The following ZNF90 variants were observed in gnomAD, a reference collection of about 807,000 sequenced individuals.
ZNF90 encodes the protein zinc finger protein HTF9.
A neutral mutation model predicts 12.0 loss-of-function variants in ZNF90; 11 were observed. That is an observed-to-expected ratio of 0.92 (90% CI 0.58 to 1.52). The LOEUF is 1.52. Among genes scored for constraint, ZNF90 ranks in the 40% most tolerant of loss-of-function variants. The pLI, the probability that ZNF90 is intolerant of heterozygous loss-of-function variation, is 0.00. For synonymous variants in ZNF90, 232 were observed against 240.1 expected (o/e 0.97, Z 0.31); for missense variants, 765 against 711.5 (o/e 1.08, Z -0.86).
At chr19:20,096,588 G>A (rs1416930807) in intron 1 of ZNF90, among the ~76,000 whole-genome samples, 1 of 152,152 alleles carries the variant, frequency 6.6e-6, no homozygotes, top group Non-Finnish European at 1.5e-5. Context: ...CCAGGAAAAG[G>A]ACTTTCACAA....
Position 20,094,791 on chromosome 19 carries a change from T to A in ZNF90, c.4-9448T>A, listed in dbSNP as rs911668257. On this transcript the variant is annotated intron_variant, in intron 1 of 3. Transcript: ENST00000418063. ...AGACATTGGAATTCCTGTGTATATT[T>A]AGTGGGGTCTGATGAGAAAGAGCCT... 1.0e-3 allele frequency among the ~76,000 whole-genome samples: 157 copies of A among 151,556 alleles called. 1 individual carries two copies. The highest frequency in any genetic ancestry group is 3.7e-3 in the African/African-American group (155 of 41,382).
At chr19:20,079,599 T>C (rs1228284377) in intron 1 of ZNF90, among the ~76,000 whole-genome samples, 1 of 151,808 alleles carries the variant, frequency 6.6e-6, no homozygotes, top group African/African-American at 2.4e-5. Flanking sequence ...GGGAGGGGAA[T>C]GGCAAATGGA....
intron 1 of ZNF90, among the ~76,000 whole-genome samples, chr19:20,092,147 G>A (rs572191026): frequency 6.6e-6 from 1 of 152,326 alleles, no homozygotes; most frequent in Admixed American, 6.5e-5. Context: ...AGGAACAATG[G>A]TAATTGTGGG....
At chr19:20,092,656 G>A (rs932411009) in intron 1 of ZNF90, among the ~76,000 whole-genome samples, 3 of 152,200 alleles carry the variant, frequency 2.0e-5, no homozygotes, top group African/African-American at 7.2e-5. Context: ...TGCCGAGGAA[G>A]GAAAGGAGTT....
chr19:20,081,307 G>GCCT (rs768258483), intron 1 of ZNF90, among the ~76,000 whole-genome samples: 6 of 152,092 alleles, frequency 3.9e-5, no homozygotes, highest in African/African-American at 1.2e-4. Flanking sequence ...TTCTGCCTCA[G>GCCT]CCTCCCAAGT....
rs1555705985 is a variant in ZNF90, at chr19:20,118,339, G to C, written c.785G>C (p.Cys262Ser). Residue 262 changes from cysteine to serine, a missense_variant, in exon 4 of 4, where the codon TGT (cysteine) becomes TCT (serine). Cys to Ser is a moderately radical substitution (Grantham distance 112). Transcript: ENST00000418063. ...TGEKRYKCED[C>S]GKELKYSSTL... ...GAGAAACGGTACAAATGTGAAGATT[G>C]TGGCAAAGAATTAAAGTATTCCTCT... is the stretch of plus-strand genomic sequence containing the variant. 1 of 1,558,408 alleles carries C rather than the reference G, an allele frequency of 6.4e-7. No individual in the cohort carries two copies. The highest frequency in any genetic ancestry group is 8.7e-7 in the Non-Finnish European group (1 of 1,150,728).
intron 3 of ZNF90, among the ~76,000 whole-genome samples, chr19:20,110,281 T>C (rs2089075507): frequency 6.6e-6 from 1 of 151,864 alleles, no homozygotes; most frequent in Admixed American, 6.6e-5. Flanking sequence ...TTGTTTTGCT[T>C]TGTTTTATTT....
At chr19:20,080,263 G>T (rs966067552) in intron 1 of ZNF90, 1 of 580,048 alleles carries the variant, frequency 1.7e-6, no homozygotes, top group South Asian at 1.4e-5. Flanking sequence ...CAGGGTCTTG[G>T]TACGGACTAG....
chr19:20,118,930 G>A lies in ZNF90; in HGVS notation c.1376G>A (p.Gly459Asp). The A allele has an allele frequency of 6.2e-7, 1 of 1,613,280 alleles. No homozygotes were observed. The highest frequency in any genetic ancestry group is 8.5e-7 in the Non-Finnish European group (1 of 1,179,666). Reference sequence around the variant, plus strand: ...AAACCCTACAAATGTGAAGAATGTGGCAAAGCCTTCAAGCGCTCCTCAAAC... The same window carrying A: ...AAACCCTACAAATGTGAAGAATGTGACAAAGCCTTCAAGCGCTCCTCAAAC... ...GEKPYKCEEC[G>D]KAFKRSSNLT... The change falls in exon 4 of 4, where the codon GGC (glycine) becomes GAC (aspartate). Residue 459 changes from glycine to aspartate, a missense_variant. Physicochemically the swap from Gly to Asp is moderately conservative, Grantham distance 94. Transcript: ENST00000418063.
At chr19:20,099,320 C>T (rs1402215626) in intron 1 of ZNF90, among the ~76,000 whole-genome samples, 10 of 152,098 alleles carry the variant, frequency 6.6e-5, no homozygotes, top group African/African-American at 1.9e-4. Context: ...ATTACAGATG[C>T]CTGCCACTGC....
intron 3 of ZNF90, among the ~76,000 whole-genome samples, chr19:20,115,954 A>T (rs1555705627): frequency 6.6e-6 from 1 of 152,080 alleles, no homozygotes; most frequent in Non-Finnish European, 1.5e-5. Context: ...GCTGACTGCA[A>T]CCTCTGCCTC....
chr19:20,092,940 C>A (rs2088913896), intron 1 of ZNF90, among the ~76,000 whole-genome samples: 1 of 152,130 alleles, frequency 6.6e-6, no homozygotes, highest in African/African-American at 2.4e-5. Context: ...GAAAGTAGAT[C>A]ATGAGAAAGA....
At chr19:20,117,638 C>T in intron 3 of ZNF90, 143 bp from the exon 4 acceptor site, 2 of 1,380,194 alleles carry the variant, frequency 1.4e-6, no homozygotes, top group Non-Finnish European at 1.9e-6. Flanking sequence ...CAGAATCTAG[C>T]AATTGAAGTA....
At chr19:20,110,355 T>C (rs371736662) in intron 3 of ZNF90, among the ~76,000 whole-genome samples, 1 of 152,054 alleles carries the variant, frequency 6.6e-6, no homozygotes, top group East Asian at 1.9e-4. Context: ...CTTGGCTCAC[T>C]GCAACCCCTG....
At chr19:20,101,118 A>G (rs1191305090) in intron 1 of ZNF90, among the ~76,000 whole-genome samples, 1 of 151,796 alleles carries the variant, frequency 6.6e-6, no homozygotes, top group Admixed American at 6.6e-5. Flanking sequence ...CCCACTGAAG[A>G]CTTCCACCCC....
At chr19:20,101,366 C>CA (rs1266099643) in intron 1 of ZNF90, among the ~76,000 whole-genome samples, 24 of 152,332 alleles carry the variant, frequency 1.6e-4, no homozygotes, top group Admixed American at 6.5e-4. Context: ...AACCCCAGGT[C>CA]AGAGAACAAA....
rs781847716 is a variant in ZNF90, at chr19:20,105,276, C to T, written c.186C>T (p.Pro62=). 1 of 1,608,022 alleles carries T rather than the reference C, an allele frequency of 6.2e-7. No individual in the cohort carries two copies. Among genetic ancestry groups the T allele is most frequent in the Non-Finnish European group, 8.5e-7 (1 of 1,176,768 alleles). The change falls in exon 3 of 4, where the codon CCC becomes CCT. Residue 62 remains proline (P), a synonymous_variant. Transcript: ENST00000418063. ...CCTGTCTGGAGCAAGGAAAAAAACC[C>T]TTCACTGTGAAGAGACATGAGATGA... ...LITCLEQGKK[P]FTVKRHEMIA...
chr19:20,099,247 C>T (rs2088971326), intron 1 of ZNF90, among the ~76,000 whole-genome samples: 1 of 151,962 alleles, frequency 6.6e-6, no homozygotes, highest in Admixed American at 6.6e-5. Context: ...GATTTCAGCT[C>T]ACTGAAACCT....
chr19:20,087,082 A>G (rs2088865206), intron 1 of ZNF90: 2 of 152,338 alleles, frequency 1.3e-5, no homozygotes, highest in South Asian at 4.1e-4. Context: ...CTAGGAGATG[A>G]GGGAACAGCA....
Sources: gnomAD v4.1 joint callset for allele counts (sites outside exome capture counted in the v4.1 genomes callset) on GRCh38, gnomAD v4.1.1 for gene constraint, MANE v1.5 for transcripts, NCBI Gene and HGNC (gene_info 2026-07-23, HGNC 2026-07-21) for gene names.